ITGB6: variants seen among roughly 807,000 people sequenced by gnomAD.
ITGB6 encodes integrin beta-6.
Under a neutral mutation model 84.5 loss-of-function variants are expected in ITGB6, and 80 were observed. The ratio of observed to expected loss-of-function variants is 0.95; its 90% confidence interval spans 0.79 to 1.14. The LOEUF (loss-of-function observed/expected upper bound fraction) is 1.14, where lower values mean the gene tolerates loss of function less well. Among genes scored for constraint, ITGB6 ranks in the 50% most tolerant of loss-of-function variants. The pLI, the probability that ITGB6 is intolerant of heterozygous loss-of-function variation, is 0.00. For synonymous variants in ITGB6, 383 were observed against 354.9 expected (o/e 1.08, Z -0.89); for missense variants, 1,006 against 968.0 (o/e 1.04, Z -0.52).
chr2:160,123,503 T>C (rs1405508546), intron 12 of ITGB6, among the ~76,000 whole-genome samples: 6 of 152,182 alleles, frequency 3.9e-5, no homozygotes, highest in East Asian at 1.9e-4. Context: ...GTTTGAAAAA[T>C]ATAGCATTCT....
intron 7 of ITGB6, among the ~76,000 whole-genome samples, chr2:160,152,840 C>T (rs1470046515): frequency 3.3e-5 from 5 of 152,156 alleles, no homozygotes; most frequent in African/African-American, 4.8e-5. Context: ...AGTGACCTCC[C>T]ATTCACAATT....
At chr2:160,146,282 A>G (rs1390701832) in intron 7 of ITGB6, among the ~76,000 whole-genome samples, 2 of 152,184 alleles carry the variant, frequency 1.3e-5, no homozygotes, top group Non-Finnish European at 2.9e-5. Context: ...ACCATGTTTA[A>G]TGATCAAATC....
At chr2:160,139,036 T>A (rs533386483) in intron 8 of ITGB6, among the ~76,000 whole-genome samples, 20 of 152,252 alleles carry the variant, frequency 1.3e-4, no homozygotes, top group African/African-American at 4.8e-4. Flanking sequence ...TGCCTTAAAA[T>A]CAATATTGGA....
intron 4 of ITGB6, among the ~76,000 whole-genome samples, chr2:160,183,175 C>A (rs1009313839): frequency 8.5e-5 from 13 of 152,108 alleles, no homozygotes; most frequent in African/African-American, 3.1e-4. Context: ...GCTAAATGCC[C>A]CAATTAAAAT....
In ITGB6 at chr2:160,099,988, A is replaced by G. The variant is rs1696651879; in HGVS notation, c.*1748T>C. The G allele has an allele frequency of 6.6e-6, 1 of 152,216 alleles. No homozygotes were observed. The highest frequency in any genetic ancestry group is 2.4e-5 in the African/African-American group (1 of 41,452). 9.4% of individuals were successfully genotyped at this position (152,216 alleles called of 1,614,324 possible). A position where few individuals can be genotyped will look rare whatever the true frequency, so the allele number is the denominator to read the frequency against. On this transcript the variant is annotated 3_prime_UTR_variant, in exon 15 of 15. Transcript: ENST00000283249. ...GTGTTATCAGCATTGCAACCTGTAT[A>G]TTGCTGTAGATTTCCCCCAGGTTCT... is the stretch of plus-strand genomic sequence containing the variant.
chr2:160,147,595 G>A (rs1392824216), intron 7 of ITGB6, among the ~76,000 whole-genome samples: 1 of 152,180 alleles, frequency 6.6e-6, no homozygotes, highest in Non-Finnish European at 1.5e-5. Flanking sequence ...TAAAGCTGAA[G>A]CAATCCAAAG....
chr2:160,106,007 C>T (rs1209557118), intron 14 of ITGB6, among the ~76,000 whole-genome samples: 1 of 152,200 alleles, frequency 6.6e-6, no homozygotes, highest in African/African-American at 2.4e-5. Flanking sequence ...TATCACAGTT[C>T]TGCCACACCT....
chr2:160,116,293 A>T (rs1485012006), intron 12 of ITGB6, among the ~76,000 whole-genome samples: 14 of 151,954 alleles, frequency 9.2e-5, no homozygotes, highest in Admixed American at 3.9e-4. Flanking sequence ...AGGGAAGCCC[A>T]TCAGACTAAC....
Position 160,126,379 on chromosome 2 carries a change from C to A in ITGB6, c.1883G>T (p.Arg628Leu). The change falls in exon 11 of 15, where the codon CGG (arginine) becomes CTG (leucine). Residue 628 changes from arginine (R) to leucine (L), a missense_variant and splice_region_variant. By Grantham distance (102) the Arg-to-Leu change is moderately radical. Coordinates refer to ENST00000283249, the MANE Select transcript of ITGB6 (RefSeq NM_000888.5). ...PTCGDPCNSKRSCIECHLSAA... is the reference protein window; with the variant it reads ...PTCGDPCNSKLSCIECHLSAA... ...GAATGGAGAAAAGCAGAGACATTACCGTTTAGAGTTACAGGGGTCACCACA... is the reference window on the plus strand; with the variant it reads ...GAATGGAGAAAAGCAGAGACATTACAGTTTAGAGTTACAGGGGTCACCACA... 1.2e-6 allele frequency: 2 copies of A among 1,613,428 alleles called. No homozygotes were observed. Among genetic ancestry groups the A allele is most frequent in the South Asian group, 1.1e-5 (1 of 91,052 alleles).
chr2:160,107,183 G>A (rs138963669), intron 14 of ITGB6, among the ~76,000 whole-genome samples: 2 of 151,942 alleles, frequency 1.3e-5, no homozygotes, highest in African/African-American at 4.8e-5. Flanking sequence ...TAACTGCATG[G>A]CATTTTAAAA....
chr2:160,184,412 T>G (rs983191583), intron 4 of ITGB6, among the ~76,000 whole-genome samples: 2 of 152,090 alleles, frequency 1.3e-5, no homozygotes, highest in Non-Finnish European at 2.9e-5. Context: ...ACATACACCC[T>G]CCCAAGACTA....
intron 7 of ITGB6, among the ~76,000 whole-genome samples, chr2:160,154,589 G>C (rs377624347): frequency 1.8e-4 from 28 of 151,922 alleles, no homozygotes; most frequent in African/African-American, 6.8e-4. Flanking sequence ...TAAAAAGAAA[G>C]AGTTGAACAC....
chr2:160,148,708 G>A (rs552216379), intron 7 of ITGB6, among the ~76,000 whole-genome samples: 15 of 152,298 alleles, frequency 9.8e-5, no homozygotes, highest in Admixed American at 5.9e-4. Context: ...AAGGGAAGCC[G>A]TGACAGACTA....
chr2:160,156,518 A>G (rs562540901), intron 7 of ITGB6, among the ~76,000 whole-genome samples: 1 of 152,206 alleles, frequency 6.6e-6, no homozygotes, highest in Admixed American at 6.5e-5. Flanking sequence ...ATTGCTTTTT[A>G]TCTACTCAGG....
In ITGB6 at chr2:160,101,559, T is replaced by C. The variant is rs1696719672; in HGVS notation, c.*177A>G. On this transcript the variant is annotated 3_prime_UTR_variant, in exon 15 of 15. Transcript: ENST00000283249. ...CTCTTTGCTAAGGATATTTCTCTTC[T>C]TGATTATTTTGAAACTGCCAACAGT... 9 of 601,366 alleles carry C rather than the reference T, an allele frequency of 1.5e-5. No homozygotes were observed. In the South Asian group the frequency reaches 1.6e-4, roughly 11 times the overall value. The allele number at this position is 601,366 out of a possible 1,614,324, so 37.3% of individuals were successfully genotyped here.
intron 6 of ITGB6, among the ~76,000 whole-genome samples, chr2:160,171,345 T>A (rs1043399785): frequency 1.9e-4 from 28 of 149,562 alleles, no homozygotes; most frequent in South Asian, 2.2e-4. Context: ...TTATTTTTTT[T>A]TTTTTTGGAG....
In ITGB6 at chr2:160,154,177, C is replaced by G. The variant is rs189998258; in HGVS notation, c.1018-12106G>C. ...TATTCACAATAGCAAAGACTTGGAC[C>G]CAAGCCAAATGTCCATCAATGATAG... On this transcript the variant is annotated intron_variant, in intron 7 of 14. Transcript: ENST00000283249. Among the ~76,000 whole-genome samples, 28 of 152,210 alleles carry G rather than the reference C, an allele frequency of 1.8e-4. No homozygotes were observed. The Middle Eastern group carries it at 0.017, about 92-fold the overall frequency.
intron 7 of ITGB6, among the ~76,000 whole-genome samples, chr2:160,166,904 A>T (rs1004643945): frequency 6.6e-6 from 1 of 152,168 alleles, no homozygotes; most frequent in African/African-American, 2.4e-5. Context: ...ATTCTACCAC[A>T]GTTACTAAAA....
At chr2:160,196,977 ACT>A (rs1285176770) in intron 2 of ITGB6, among the ~76,000 whole-genome samples, 1 of 151,684 alleles carries the variant, frequency 6.6e-6, no homozygotes, top group African/African-American at 2.4e-5. Context: ...CCCATCTAGC[ACT>A]CTCTGCCAGT....
Sources: gnomAD v4.1 joint callset for allele counts (sites outside exome capture counted in the v4.1 genomes callset) on GRCh38, gnomAD v4.1.1 for gene constraint, MANE v1.5 for transcripts, NCBI Gene and HGNC (gene_info 2026-07-23, HGNC 2026-07-21) for gene names.